Variants in TRPC4 observed in about 807,000 individuals in gnomAD.
TRPC4 encodes the protein short transient receptor potential channel 4.
Under a neutral mutation model 99.4 loss-of-function variants are expected in TRPC4, and 49 were observed. The ratio of observed to expected loss-of-function variants is 0.49; its 90% CI spans 0.39 to 0.63. The LOEUF (loss-of-function observed/expected upper bound fraction) is 0.63. Ranked by LOEUF, TRPC4 falls within the 20% of genes least tolerant of loss-of-function variation. The pLI, the probability that TRPC4 is intolerant of heterozygous loss-of-function variation, is 0.00. For synonymous variants in TRPC4, 454 were observed against 425.9 expected, an observed-to-expected ratio of 1.07 and a Z score of -0.81; for missense variants, 898 against 1,152.9, an observed-to-expected ratio of 0.78 and a Z score of 3.20.
In TRPC4 at chr13:37,834,710, C is replaced by G. The variant is rs968515691; in HGVS notation, c.-28+34885G>C. Among the ~76,000 whole-genome samples, 2 of 152,038 alleles carry G rather than the reference C, an allele frequency of 1.3e-5. 1 individual carries two copies. Among genetic ancestry groups the G allele is most frequent in the South Asian group, 4.1e-4 (2 of 4,824 alleles). On this transcript the variant is annotated intron_variant, in intron 1 of 10. Coordinates refer to ENST00000379705, the MANE Select transcript of TRPC4 (RefSeq NM_016179.4). ...TTGGATCAATCTTGAGTTTATCTCA[C>G]TCTCCATTTATTTATTTATTTATTA...
At chr13:37,831,270 T>C (rs761844280) in intron 1 of TRPC4, among the ~76,000 whole-genome samples, 1 of 152,164 alleles carries the variant, frequency 6.6e-6, no homozygotes, top group Non-Finnish European at 1.5e-5. Flanking sequence ...AAATAAACAG[T>C]AGATGTATGA....
At chr13:37,845,160 C>G (rs1416692789) in intron 1 of TRPC4, among the ~76,000 whole-genome samples, 1 of 152,090 alleles carries the variant, frequency 6.6e-6, no homozygotes, top group Non-Finnish European at 1.5e-5. Context: ...TACAAGCTGT[C>G]TCATCTAGAA....
At chr13:37,739,630 T>C (rs1476778042) in intron 3 of TRPC4, among the ~76,000 whole-genome samples, 2 of 151,196 alleles carry the variant, frequency 1.3e-5, no homozygotes, top group Non-Finnish European at 2.9e-5. Flanking sequence ...CTCAGCCTCC[T>C]GAGTAACTGG....
intron 3 of TRPC4, among the ~76,000 whole-genome samples, chr13:37,724,175 A>T (rs1377761490): frequency 6.6e-6 from 1 of 152,146 alleles, no homozygotes; most frequent in African/African-American, 2.4e-5. Flanking sequence ...TTTCAAAGGA[A>T]AAAATAAATA....
chr13:37,807,441 G>C lies in TRPC4; in HGVS notation c.-27-24081C>G, dbSNP rs1028920488. Among the ~76,000 whole-genome samples the C allele has an allele frequency of 1.6e-4, 25 of 152,116 alleles. 1 individual carries two copies. Among genetic ancestry groups the C allele is most frequent in the Admixed American group, 1.6e-3 (25 of 15,228 alleles). Reference sequence around the variant, plus strand: ...ATAATAATAAACAATGATATTAATAGTATTGTTGCTTAATTTAGTTGAAAA... The same window carrying C: ...ATAATAATAAACAATGATATTAATACTATTGTTGCTTAATTTAGTTGAAAA... On this transcript the variant is annotated intron_variant, in intron 1 of 10. Coordinates refer to ENST00000379705, the MANE Select transcript of TRPC4 (RefSeq NM_016179.4).
At chr13:37,760,036 G>T (rs1683106010) in intron 2 of TRPC4, among the ~76,000 whole-genome samples, 1 of 151,860 alleles carries the variant, frequency 6.6e-6, no homozygotes, top group Non-Finnish European at 1.5e-5. Context: ...CCAGAGAGAT[G>T]CTCCTGAAGT....
In TRPC4 at chr13:37,798,942, T is replaced by G. The variant is rs938102070; in HGVS notation, c.-27-15582A>C. Among the ~76,000 whole-genome samples, 43 of 151,850 alleles carry G rather than the reference T, an allele frequency of 2.8e-4. 1 individual carries two copies. The highest frequency in any genetic ancestry group is 6.8e-3 in the Middle Eastern group (2 of 294). On this transcript the variant is annotated intron_variant, in intron 1 of 10. Coordinates refer to ENST00000379705, the MANE Select transcript of TRPC4 (RefSeq NM_016179.4). The stretch of plus-strand genomic sequence containing the variant: ...AATAAAGGGAGGTAATCTTTTTTTT[T>G]TTTTTTTGAGACAGAGTCTGGCTCT...
chr13:37,737,321 G>A (rs939740589), intron 3 of TRPC4, among the ~76,000 whole-genome samples: 2 of 151,826 alleles, frequency 1.3e-5, no homozygotes, highest in Non-Finnish European at 2.9e-5. Context: ...TTCTGTACTT[G>A]CATTATTACA....
chr13:37,677,426 C>A (rs1953098196), intron 4 of TRPC4, among the ~76,000 whole-genome samples: 1 of 151,880 alleles, frequency 6.6e-6, no homozygotes, highest in East Asian at 1.9e-4. Context: ...ACAGGCATAA[C>A]TCTATCACAA....
chr13:37,796,968 A>ATAAAATAAAATAAAATAAAATAAAG (rs1555273561), intron 1 of TRPC4, among the ~76,000 whole-genome samples: 4,906 of 113,456 alleles, frequency 0.043, 229 homozygotes, highest in East Asian at 0.085. Flanking sequence ...ATAAAATAAA[A>ATAAAATAAAATAAAATAAAATAAAG]TAAAGTAAAG....
chr13:37,822,850 A>T (rs1958056584), intron 1 of TRPC4, among the ~76,000 whole-genome samples: 1 of 151,682 alleles, frequency 6.6e-6, no homozygotes, highest in South Asian at 2.1e-4. Context: ...CGCCACACTG[A>T]CTTCCACAAT....
chr13:37,855,324 T>G (rs927215765), intron 1 of TRPC4, among the ~76,000 whole-genome samples: 4 of 138,442 alleles, frequency 2.9e-5, no homozygotes, highest in Non-Finnish European at 6.2e-5. Flanking sequence ...CACATGTAGA[T>G]ATATACAATG....
intron 1 of TRPC4, among the ~76,000 whole-genome samples, chr13:37,806,582 A>T (rs1957534847): frequency 6.6e-6 from 1 of 152,054 alleles, no homozygotes; most frequent in Non-Finnish European, 1.5e-5. Flanking sequence ...AACTCAAATA[A>T]TCACTAACTC....
intron 1 of TRPC4, among the ~76,000 whole-genome samples, chr13:37,799,953 A>C (rs75993244): frequency 0.013 from 1,941 of 152,294 alleles, 40 homozygotes; most frequent in African/African-American, 0.045. Context: ...CTGTGTGTCA[A>C]AGTAGATAAT....
At chr13:37,780,242 G>A (rs367793566) in intron 2 of TRPC4, among the ~76,000 whole-genome samples, 4 of 152,204 alleles carry the variant, frequency 2.6e-5, no homozygotes, top group South Asian at 4.1e-4. Context: ...ATTTCTGAAA[G>A]AGTATATTTT....
rs1755561128 is a variant in TRPC4, at chr13:37,634,669, T to C, written c.*2234A>G. 6.6e-6 allele frequency among the ~76,000 whole-genome samples: 1 copy of C among 152,056 alleles called. No homozygotes were observed. The highest frequency in any genetic ancestry group is 2.1e-4 in the South Asian group (1 of 4,822). On this transcript the variant is annotated 3_prime_UTR_variant, in exon 11 of 11. Coordinates refer to ENST00000379705, the MANE Select transcript of TRPC4 (RefSeq NM_016179.4). Reference sequence around the variant, plus strand: ...GTAAAGTATGTAAAATGGTTATGTATAGTGTCCTTACTTTGGGAAAAAACA... The same window carrying C: ...GTAAAGTATGTAAAATGGTTATGTACAGTGTCCTTACTTTGGGAAAAAACA...
intron 3 of TRPC4, among the ~76,000 whole-genome samples, chr13:37,720,764 A>G (rs1455744801): frequency 6.6e-6 from 1 of 152,050 alleles, no homozygotes; most frequent in Non-Finnish European, 1.5e-5. Context: ...TGTTAACAGG[A>G]GTTTCACTTG....
intron 7 of TRPC4, 94 bp downstream of exon 7, chr13:37,654,994 T>C (rs1952176572): frequency 1.9e-6 from 2 of 1,040,154 alleles, no homozygotes; most frequent in Non-Finnish European, 2.6e-6. Context: ...TAGCTAATTA[T>C]AGATTTTATT....
intron 1 of TRPC4, among the ~76,000 whole-genome samples, chr13:37,788,622 C>T (rs898818901): frequency 2.6e-5 from 4 of 152,064 alleles, no homozygotes; most frequent in Non-Finnish European, 4.4e-5. Flanking sequence ...CAGTGGTTTC[C>T]ACAGACTCCT....
Sources: allele counts gnomAD v4.1 joint callset (sites outside exome capture counted in the v4.1 genomes callset), GRCh38; gene constraint gnomAD v4.1.1; transcripts MANE v1.5; gene names NCBI Gene and HGNC (gene_info 2026-07-23, HGNC 2026-07-21).